Variants in ETFA observed in about 807,000 individuals in gnomAD.
ETFA encodes the protein electron transfer flavoprotein subunit alpha.
ETFA carries 22 observed loss-of-function variants against 46.2 expected under a neutral mutation model. The observed-to-expected ratio is 0.48, with a 90% confidence interval of 0.34 to 0.68. The LOEUF is 0.68. Ranked by LOEUF, ETFA falls within the 30% of genes least tolerant of loss-of-function variation. ETFA has a pLI of 0.01. For synonymous variants in ETFA, 131 were observed against 139.9 expected (o/e 0.94, Z 0.45); for missense variants, 345 against 401.1 (o/e 0.86, Z 1.19).
chr15:76,253,581 T>C (rs2039321577), intron 9 of ETFA, among the ~76,000 whole-genome samples: 1 of 152,182 alleles, frequency 6.6e-6, no homozygotes, highest in Non-Finnish European at 1.5e-5. Flanking sequence ...GAGGCTTCAA[T>C]GGTAGAGAAA....
intron 5 of ETFA, 76 bp from the exon 6 acceptor site, chr15:76,286,557 T>A: frequency 1.1e-6 from 1 of 874,202 alleles, no homozygotes; most frequent in Non-Finnish European, 1.9e-6. Flanking sequence ...GCTTGGAATT[T>A]ACTTCACAGA....
At position 76,292,459 on chromosome 15, in the gene ETFA, ATG is replaced by A. The variant is rs866218814; in HGVS notation, c.321_322del (p.Ile108LeufsTer20). 1.2e-6 allele frequency: 2 copies of A among 1,613,762 alleles called. No homozygotes were observed. Among genetic ancestry groups the A allele is most frequent in the Non-Finnish European group, 8.5e-7 (1 of 1,179,636 alleles). On this transcript the variant is annotated frameshift_variant, in exon 4 of 12. Transcript: ENST00000557943. LOFTEE classifies it high-confidence loss of function. The stretch of plus-strand genomic sequence containing the variant: ...TCCGAAGGCAGATGCTCCAGCACAG[ATG>A]TGTGTGTAATTGAACTGCTTCTGAG...
intron 9 of ETFA, among the ~76,000 whole-genome samples, chr15:76,250,902 T>C (rs2141482400): frequency 6.6e-6 from 1 of 152,136 alleles, no homozygotes; most frequent in East Asian, 1.9e-4. Flanking sequence ...CACAAGGGTT[T>C]TCAACAGTAC....
intron 11 of ETFA, among the ~76,000 whole-genome samples, chr15:76,219,753 G>A (rs1311503117): frequency 6.6e-6 from 1 of 152,252 alleles, no homozygotes; most frequent in South Asian, 2.1e-4. Context: ...TAGTTATTAG[G>A]AAAACGCAAA....
At chr15:76,240,679 G>A (rs565788950) in intron 9 of ETFA, among the ~76,000 whole-genome samples, 1 of 151,928 alleles carries the variant, frequency 6.6e-6, no homozygotes, top group East Asian at 1.9e-4. Flanking sequence ...TTTTCTAATT[G>A]TAGATTTCAA....
intron 11 of ETFA, among the ~76,000 whole-genome samples, chr15:76,219,050 G>A (rs1341651582): frequency 1.3e-5 from 2 of 152,244 alleles, no homozygotes; most frequent in East Asian, 3.9e-4. Context: ...GGAAAATTCA[G>A]AACATCAAAC....
chr15:76,303,016 A>C lies in ETFA; in HGVS notation c.40-7279T>G, dbSNP rs546934906. Among the ~76,000 whole-genome samples the C allele has an allele frequency of 2.6e-5, 4 of 152,154 alleles. No individual in the cohort carries two copies. The South Asian group carries it at 8.3e-4, about 32-fold the overall frequency. On this transcript the variant is annotated intron_variant, in intron 1 of 11. Coordinates refer to ENST00000557943, the MANE Select transcript of ETFA (RefSeq NM_000126.4). Reference sequence around the variant, plus strand: ...AAAAACAAAACAACACAAAACAAAAAAACTTCTGCCAGGTGCAGTGGCTCA... The same window carrying C: ...AAAAACAAAACAACACAAAACAAAACAACTTCTGCCAGGTGCAGTGGCTCA...
intron 9 of ETFA, chr15:76,259,972 T>A (rs899004284): frequency 7.0e-7 from 1 of 1,435,324 alleles, no homozygotes; most frequent in Non-Finnish European, 9.8e-7. Context: ...TTTGGCCACA[T>A]GTGGATGGTC....
rs2039995174 is a variant in ETFA, at chr15:76,311,293, G to C, written c.39+57C>G. 12 of 1,540,594 alleles carry C rather than the reference G, an allele frequency of 7.8e-6. No individual in the cohort carries two copies. In the South Asian group the frequency reaches 1.1e-4, roughly 14 times the overall value. On this transcript the variant is annotated intron_variant, in intron 1 of 11. Transcript: ENST00000557943. ...CCAGTGATCTTTGCAAGACCCCATAGGGACGGCGGGTTGACGGGGGGCCGT... is the reference window on the plus strand; with the variant it reads ...CCAGTGATCTTTGCAAGACCCCATACGGACGGCGGGTTGACGGGGGGCCGT...
intron 11 of ETFA, among the ~76,000 whole-genome samples, chr15:76,222,230 A>C (rs1199635711): frequency 6.7e-6 from 1 of 148,634 alleles, no homozygotes; most frequent in Non-Finnish European, 1.5e-5. Flanking sequence ...TATAATTTTA[A>C]AATATAATTA....
intron 5 of ETFA, 139 bp downstream of exon 5, chr15:76,287,707 T>G (rs1194535785): frequency 7.7e-6 from 5 of 653,176 alleles, no homozygotes; most frequent in Non-Finnish European, 1.3e-5. Flanking sequence ...AATTCTAGAC[T>G]AAAATTTTCC....
intron 9 of ETFA, among the ~76,000 whole-genome samples, chr15:76,234,485 A>T (rs2039102195): frequency 6.6e-6 from 1 of 152,172 alleles, no homozygotes; most frequent in Non-Finnish European, 1.5e-5. Context: ...TTTCCTTCTA[A>T]ATCAGATAGT....
At chr15:76,300,778 T>C (rs2039872506) in intron 1 of ETFA, among the ~76,000 whole-genome samples, 1 of 152,152 alleles carries the variant, frequency 6.6e-6, no homozygotes, top group African/African-American at 2.4e-5. Context: ...TATCCCTCAC[T>C]CCATTTATGC....
At chr15:76,235,864 C>T (rs1177751944) in intron 9 of ETFA, among the ~76,000 whole-genome samples, 1 of 152,188 alleles carries the variant, frequency 6.6e-6, no homozygotes, top group Non-Finnish European at 1.5e-5. Context: ...TGCCATCTAT[C>T]CCCATCTGTT....
At chr15:76,292,265 G>A (rs954076949) in intron 4 of ETFA, among the ~76,000 whole-genome samples, 166 bp downstream of exon 4, 2 of 152,108 alleles carry the variant, frequency 1.3e-5, no homozygotes, top group Admixed American at 6.5e-5. Flanking sequence ...TAGTTTTAAC[G>A]GAAAATTATG....
At chr15:76,289,027 A>G (rs62027014) in intron 4 of ETFA, among the ~76,000 whole-genome samples, 14,394 of 149,548 alleles carry the variant, frequency 0.096, 830 homozygotes, top group Middle Eastern at 0.16. Context: ...TCAAGAGATT[A>G]TTCTGCCTTG....
At chr15:76,222,538 C>T (rs1418991117) in intron 11 of ETFA, among the ~76,000 whole-genome samples, 1 of 152,110 alleles carries the variant, frequency 6.6e-6, no homozygotes, top group Non-Finnish European at 1.5e-5. Flanking sequence ...CTGTAGGTTC[C>T]TAGAGTCTGT....
At chr15:76,299,944 C>T (rs763671268) in intron 1 of ETFA, among the ~76,000 whole-genome samples, 18 of 152,200 alleles carry the variant, frequency 1.2e-4, no homozygotes, top group Non-Finnish European at 2.2e-4. Flanking sequence ...TTGCAACAAT[C>T]CTGCTAAAAA....
intron 8 of ETFA, among the ~76,000 whole-genome samples, chr15:76,274,736 A>G (rs573654615): frequency 6.6e-6 from 1 of 152,320 alleles, no homozygotes; most frequent in South Asian, 2.1e-4. Flanking sequence ...AATGTTTAGA[A>G]TGTCATTATA....
Sources: gnomAD v4.1 joint callset for allele counts (sites outside exome capture counted in the v4.1 genomes callset) on GRCh38, gnomAD v4.1.1 for gene constraint, MANE v1.5 for transcripts, NCBI Gene and HGNC (gene_info 2026-07-23, HGNC 2026-07-21) for gene names.